TRMT61B: variants seen among roughly 807,000 people sequenced by gnomAD.
TRMT61B encodes the protein tRNA (adenine(58)-N(1))-methyltransferase, mitochondrial.
A neutral mutation model predicts 52.0 loss-of-function variants in TRMT61B; 56 were observed. The observed-to-expected ratio is 1.08, with a 90% CI of 0.87 to 1.35. The LOEUF (loss-of-function observed/expected upper bound fraction) is 1.35, where lower values mean the gene tolerates loss of function less well. Ranked by LOEUF, TRMT61B falls within the 40% of genes most tolerant of loss-of-function variation. The pLI is 0.00. For missense variants in TRMT61B, 650 were observed against 577.9 expected (o/e 1.12, Z -1.28); for synonymous variants, 206 against 220.0 (o/e 0.94, Z 0.56).
intron 3 of TRMT61B, among the ~76,000 whole-genome samples, chr2:28,856,241 T>A (rs1162526859): frequency 6.6e-6 from 1 of 152,242 alleles, no homozygotes; most frequent in African/African-American, 2.4e-5. Context: ...TTGAATTCTC[T>A]TTTGAGACTC....
rs1038490021 is a variant in TRMT61B, at chr2:28,867,141, G to A, written c.700-2022C>T. Among the ~76,000 whole-genome samples the A allele has an allele frequency of 3.3e-5, 5 of 150,764 alleles. No homozygotes were observed. The East Asian group carries it at 7.8e-4, about 24-fold the overall frequency. ...GATAGGATCTTACACTGTTGCCCAG[G>A]CTGGAGTGCAGTGGCAAGATCATGG... On this transcript the variant is annotated intron_variant, in intron 1 of 6. Transcript: ENST00000306108.
Position 28,869,916 on chromosome 2 carries a change from T to A in TRMT61B, c.362A>T (p.Asp121Val). 1.2e-6 allele frequency: 2 copies of A among 1,613,870 alleles called. No individual in the cohort carries two copies. The highest frequency in any genetic ancestry group is 1.7e-6 in the Non-Finnish European group (2 of 1,179,898). Residue 121 changes from aspartate (D) to valine (V), a missense_variant, in exon 1 of 7, where the codon GAT (aspartate) becomes GTT (valine). By Grantham distance (152) the Asp-to-Val change is radical (BLOSUM62 -3). Coordinates refer to ENST00000306108, the MANE Select transcript of TRMT61B (RefSeq NM_017910.4). ...RCGPTHQGSE[D>V]PSMLSQAQSA... ...CTGGGCCTGCGAGAGCATCGAAGGA[T>A]CCTCGGATCCCTGGTGTGTGGGACC... is the stretch of plus-strand genomic sequence containing the variant.
chr2:28,862,303 T>G (rs1669638219), intron 2 of TRMT61B, among the ~76,000 whole-genome samples: 1 of 150,174 alleles, frequency 6.7e-6, no homozygotes, highest in Admixed American at 6.7e-5. Flanking sequence ...GAATAAAGTT[T>G]ATCATTTTTA....
At chr2:28,850,623 T>C in intron 5 of TRMT61B, 2 of 450,388 alleles carry the variant, frequency 4.4e-6, no homozygotes, top group Non-Finnish European at 7.8e-6. Flanking sequence ...GATAAGCCTA[T>C]ATCATAAATC....
chr2:28,869,553 T>TAC (rs1451584974), intron 1 of TRMT61B, 26 bp downstream of exon 1: 2 of 1,543,224 alleles, frequency 1.3e-6, no homozygotes. Flanking sequence ...CTGAAACCAA[T>TAC]ACACACCTTA....
At chr2:28,868,356 C>A (rs1028630900) in intron 1 of TRMT61B, among the ~76,000 whole-genome samples, 2 of 152,166 alleles carry the variant, frequency 1.3e-5, no homozygotes, top group Non-Finnish European at 2.9e-5. Flanking sequence ...TCCTTGGAGA[C>A]CATCTCTCCT....
At chr2:28,867,958 G>T (rs1669918973) in intron 1 of TRMT61B, among the ~76,000 whole-genome samples, 1 of 152,056 alleles carries the variant, frequency 6.6e-6, no homozygotes, top group Non-Finnish European at 1.5e-5. Flanking sequence ...AGGTTGAGGT[G>T]CGAGGATTGT....
At chr2:28,868,224 T>A (rs1057398200) in intron 1 of TRMT61B, among the ~76,000 whole-genome samples, 1 of 152,162 alleles carries the variant, frequency 6.6e-6, no homozygotes, top group African/African-American at 2.4e-5. Flanking sequence ...GGGTCCCTCA[T>A]CTGACCCATT....
At chr2:28,852,312 CAAAAAAAA>C (rs575953261) in intron 4 of TRMT61B, 88 bp downstream of exon 4, 141 of 300,088 alleles carry the variant, frequency 4.7e-4, no homozygotes, top group African/African-American at 4.2e-3. Context: ...TTTTCTGTCT[CAAAAAAAA>C]AAAAAAAAAA....
intron 3 of TRMT61B, among the ~76,000 whole-genome samples, chr2:28,853,198 CAG>C (rs369934311): frequency 4.2e-4 from 62 of 147,978 alleles, no homozygotes; most frequent in African/African-American, 1.5e-3. Flanking sequence ...TTTTTTGAGA[CAG>C]GGTCTCGCTC....
Position 28,870,129 on chromosome 2 carries a change from C to A in TRMT61B, c.149G>T (p.Gly50Val), listed in dbSNP as rs1388406641. 1 of 1,614,142 alleles carries A rather than the reference C, an allele frequency of 6.2e-7. No individual in the cohort carries two copies. Reference sequence around the variant, plus strand: ...TTGTGCCGCCTCGTGCTCTCTTTCTCCATCTCGCAGGTCTCTAGGCGAGGA... The same window carrying A: ...TTGTGCCGCCTCGTGCTCTCTTTCTACATCTCGCAGGTCTCTAGGCGAGGA... ...CRSSPRDLRD[G>V]EREHEAAQRK... The change falls in exon 1 of 7, where the codon GGA becomes GTA. Residue 50 changes from glycine (G) to valine (V), a missense_variant. By Grantham distance (109) the Gly-to-Val change is moderately radical. Coordinates refer to ENST00000306108, the MANE Select transcript of TRMT61B (RefSeq NM_017910.4).
rs375238952 is a variant in TRMT61B, at chr2:28,869,901, G to A, written c.377C>T (p.Ser126Leu). The A allele has an allele frequency of 1.7e-5, 27 of 1,613,814 alleles. No homozygotes were observed. Among genetic ancestry groups the A allele is most frequent in the South Asian group, 4.4e-5 (4 of 91,068 alleles). The change falls in exon 1 of 7, where the codon TCG (serine) becomes TTG (leucine). Residue 126 changes from serine (S) to leucine (L), a missense_variant. By Grantham distance (145) the Ser-to-Leu change is moderately radical (BLOSUM62 -2). Coordinates refer to ENST00000306108, the MANE Select transcript of TRMT61B (RefSeq NM_017910.4). ...GACCTCGGTAGCGGACTGGGCCTGC[G>A]AGAGCATCGAAGGATCCTCGGATCC... ...HQGSEDPSML[S>L]QAQSATEVEE...
intron 3 of TRMT61B, among the ~76,000 whole-genome samples, chr2:28,853,074 T>C (rs1429895243): frequency 1.3e-5 from 2 of 152,174 alleles, no homozygotes; most frequent in African/African-American, 4.8e-5. Context: ...TATATATGAA[T>C]ATAACCAAAG....
chr2:28,865,395 T>C (rs545712924), intron 1 of TRMT61B, among the ~76,000 whole-genome samples: 1 of 152,268 alleles, frequency 6.6e-6, no homozygotes, highest in Non-Finnish European at 1.5e-5. Context: ...AGACAATTTA[T>C]GGGAACAATC....
chr2:28,865,272 TAA>T (rs1319777449), intron 1 of TRMT61B, among the ~76,000 whole-genome samples, 153 bp from the exon 2 acceptor site: 2 of 152,090 alleles, frequency 1.3e-5, no homozygotes, highest in Admixed American at 1.3e-4. Flanking sequence ...CTTGATGAAA[TAA>T]AAGAGATCCA....
chr2:28,856,113 A>G (rs1462815939), intron 3 of TRMT61B, among the ~76,000 whole-genome samples: 1 of 152,226 alleles, frequency 6.6e-6, no homozygotes, highest in Non-Finnish European at 1.5e-5. Context: ...AGAAAACTGC[A>G]AATCTTGAAT....
rs1266986840 is a variant in TRMT61B at position 28,869,679 on chromosome 2, A to G, written c.599T>C (p.Ile200Thr). 1.9e-6 allele frequency: 3 copies of G among 1,614,176 alleles called. No individual in the cohort carries two copies. The highest frequency in any genetic ancestry group is 2.5e-6 in the Non-Finnish European group (3 of 1,180,014). ...CTGCTTACCGAAGGAACTCCTCAGT[A>G]TCTGGCCGGGGAACTTCCCCACGAT... ...GKIVGKFPGQ[I>T]LRSSFGKQYM... is the part of the protein sequence containing the mutation. The change falls in exon 1 of 7, where the codon ATA (isoleucine) becomes ACA (threonine). Residue 200 changes from isoleucine (I) to threonine (T), a missense_variant. Physicochemically the swap from Ile to Thr is moderately conservative, Grantham distance 89 (BLOSUM62 -1). Transcript: ENST00000306108.
At position 28,870,178 on chromosome 2, in the gene TRMT61B, C is replaced by T; in HGVS notation, c.100G>A (p.Gly34Arg). The stretch of plus-strand genomic sequence containing the variant: ...GACCTGCAACACAGTGACCGAGCTC[C>T]CTCGAAGGGCTCCTGCCCCAGGCCG... ...LHGLGQEPFE[G>R]ARSLCCRSSP... The change falls in exon 1 of 7, where the codon GGA becomes AGA. Residue 34 changes from glycine (G) to arginine (R), a missense_variant. By Grantham distance (125) the Gly-to-Arg change is moderately radical (BLOSUM62 -2). Coordinates refer to ENST00000306108, the MANE Select transcript of TRMT61B (RefSeq NM_017910.4). The T allele has an allele frequency of 1.2e-6, 2 of 1,613,480 alleles. No homozygotes were observed. Among genetic ancestry groups the T allele is most frequent in the Non-Finnish European group, 1.7e-6 (2 of 1,180,028 alleles).
intron 5 of TRMT61B, 122 bp from the exon 6 acceptor site, chr2:28,850,527 T>G: frequency 3.0e-6 from 2 of 656,710 alleles, no homozygotes; most frequent in Non-Finnish European, 5.2e-6. Flanking sequence ...TTTCCTTGCA[T>G]ATGTTTTAGA....
Sources: allele counts gnomAD v4.1 joint callset (sites outside exome capture counted in the v4.1 genomes callset), GRCh38; gene constraint gnomAD v4.1.1; transcripts MANE v1.5; gene names NCBI Gene and HGNC (gene_info 2026-07-23, HGNC 2026-07-21).